GSTCD: variants seen among roughly 807,000 people sequenced by gnomAD.
GSTCD encodes glutathione S-transferase C-terminal domain containing.
GSTCD carries 44 observed loss-of-function variants against 68.3 expected under a neutral mutation model. The ratio of observed to expected loss-of-function variants is 0.64; its 90% CI spans 0.51 to 0.83. GSTCD has a LOEUF of 0.83. Among genes scored for constraint, GSTCD ranks in the 40% least tolerant of loss-of-function variants. GSTCD has a pLI of 0.00. For synonymous variants in GSTCD, 273 were observed against 255.2 expected (o/e 1.07, Z -0.67); for missense variants, 739 against 735.9 (o/e 1.00, Z -0.05).
chr4:105,841,561 A>C lies in GSTCD; in HGVS notation c.1696-504A>C, dbSNP rs193052431. Among the ~76,000 whole-genome samples, 396 of 152,242 alleles carry C rather than the reference A, an allele frequency of 2.6e-3. 2 individuals are homozygous for C. Among genetic ancestry groups the C allele is most frequent in the Admixed American group, 0.024 (365 of 15,284 alleles). ...AGAGCTACATCTGGGCCAGCTGGGC[A>C]TGGTGGCTCATACCTGTTAATCACA... is the stretch of plus-strand genomic sequence containing the variant. On this transcript the variant is annotated intron_variant, in intron 10 of 11. Transcript: ENST00000515279.
intron 8 of GSTCD, among the ~76,000 whole-genome samples, 158 bp from the exon 9 acceptor site, chr4:105,834,303 A>T (rs1364314641): frequency 6.6e-6 from 1 of 152,184 alleles, no homozygotes; most frequent in Non-Finnish European, 1.5e-5. Flanking sequence ...GCAATATTCC[A>T]TTTGCAACCT....
intron 5 of GSTCD, among the ~76,000 whole-genome samples, chr4:105,759,198 A>C (rs557457848): frequency 2.0e-5 from 3 of 152,288 alleles, no homozygotes; most frequent in Non-Finnish European, 1.5e-5. Context: ...ATAGAGCCTG[A>C]GCTCTATGAG....
At chr4:105,750,844 A>G (rs1165716253) in intron 5 of GSTCD, among the ~76,000 whole-genome samples, 1 of 152,210 alleles carries the variant, frequency 6.6e-6, no homozygotes, top group Non-Finnish European at 1.5e-5. Context: ...CAACAAGTTG[A>G]ATAGATCTCA....
intron 5 of GSTCD, among the ~76,000 whole-genome samples, chr4:105,752,235 T>A (rs2149228157): frequency 6.6e-6 from 1 of 152,268 alleles, no homozygotes; most frequent in Middle Eastern, 3.4e-3. Flanking sequence ...AACTGTAGCA[T>A]GTGATTAAAA....
intron 5 of GSTCD, among the ~76,000 whole-genome samples, chr4:105,757,492 G>A (rs1172429697): frequency 6.6e-6 from 1 of 152,094 alleles, no homozygotes; most frequent in African/African-American, 2.4e-5. Flanking sequence ...TTCACATTCT[G>A]GAAATCATTG....
At chr4:105,839,552 T>C (rs1473517012) in intron 10 of GSTCD, among the ~76,000 whole-genome samples, 1 of 152,064 alleles carries the variant, frequency 6.6e-6, no homozygotes, top group Non-Finnish European at 1.5e-5. Context: ...CGAGAATTGA[T>C]TGAGATCAGG....
chr4:105,778,594 A>G (rs1381790380), intron 5 of GSTCD, among the ~76,000 whole-genome samples: 3 of 152,128 alleles, frequency 2.0e-5, no homozygotes, highest in Non-Finnish European at 2.9e-5. Flanking sequence ...TAAATTTGAG[A>G]GAAATCTATA....
chr4:105,720,063 T>C (rs942550002), intron 3 of GSTCD, among the ~76,000 whole-genome samples: 3 of 152,248 alleles, frequency 2.0e-5, no homozygotes, highest in African/African-American at 7.2e-5. Flanking sequence ...TGTGTGCTTT[T>C]CTCTGTTCTC....
chr4:105,728,270 A>G (rs1368505582), intron 4 of GSTCD, among the ~76,000 whole-genome samples: 4 of 152,202 alleles, frequency 2.6e-5, no homozygotes, highest in Non-Finnish European at 5.9e-5. Context: ...GGATACTTTA[A>G]AAGGATAAAT....
In GSTCD at chr4:105,780,949, C is replaced by A. The variant is rs553803156; in HGVS notation, c.1241-42005C>A. On this transcript the variant is annotated intron_variant, in intron 5 of 11. Transcript: ENST00000515279. ...AGTAGAGAGACATATAAGCAAAACT[C>A]AAGTTTTCAAGCAGGCCTGAATTTA... Among the ~76,000 whole-genome samples, 9 of 152,208 alleles carry A rather than the reference C, an allele frequency of 5.9e-5. No homozygotes were observed. In the South Asian group the frequency reaches 1.9e-3, roughly 32 times the overall value.
intron 8 of GSTCD, among the ~76,000 whole-genome samples, chr4:105,833,572 G>T (rs1723987668): frequency 6.6e-6 from 1 of 152,112 alleles, no homozygotes; most frequent in South Asian, 2.1e-4. Flanking sequence ...TACAATTTAT[G>T]TTTGTTCAGA....
chr4:105,753,867 A>G (rs1248585790), intron 5 of GSTCD, among the ~76,000 whole-genome samples: 1 of 152,066 alleles, frequency 6.6e-6, no homozygotes, highest in African/African-American at 2.4e-5. Context: ...TGAATAATTT[A>G]TCTCTTGGAT....
intron 4 of GSTCD, among the ~76,000 whole-genome samples, chr4:105,727,248 G>T (rs968173454): frequency 6.6e-6 from 1 of 151,996 alleles, no homozygotes; most frequent in Non-Finnish European, 1.5e-5. Flanking sequence ...ATAAGGCTGG[G>T]TGTAGTAGCT....
At chr4:105,772,658 T>C (rs983978123) in intron 5 of GSTCD, among the ~76,000 whole-genome samples, 2 of 152,220 alleles carry the variant, frequency 1.3e-5, no homozygotes, top group Non-Finnish European at 1.5e-5. Context: ...ATGGATTACA[T>C]TTATTGATTT....
chr4:105,739,082 A>G (rs1262716665), intron 5 of GSTCD, among the ~76,000 whole-genome samples: 2 of 152,326 alleles, frequency 1.3e-5, no homozygotes, highest in East Asian at 1.9e-4. Context: ...TTGTGTATCT[A>G]TTGAGATAAT....
At chr4:105,745,166 A>G (rs747385243) in intron 5 of GSTCD, among the ~76,000 whole-genome samples, 1 of 152,178 alleles carries the variant, frequency 6.6e-6, no homozygotes, top group African/African-American at 2.4e-5. Context: ...GTCTCTCAAT[A>G]TATGGATAGT....
intron 9 of GSTCD, among the ~76,000 whole-genome samples, chr4:105,836,484 G>A (rs998613077): frequency 3.9e-5 from 6 of 152,186 alleles, no homozygotes; most frequent in Admixed American, 2.0e-4. Flanking sequence ...TCTGCCTCCT[G>A]TTGCCATCAA....
chr4:105,796,218 C>T (rs1409228124), intron 5 of GSTCD, among the ~76,000 whole-genome samples: 4 of 152,138 alleles, frequency 2.6e-5, no homozygotes, highest in Non-Finnish European at 5.9e-5. Context: ...AGAGAGCGAG[C>T]TTGTGCAGGG....
At chr4:105,769,781 G>A (rs1303270246) in intron 5 of GSTCD, among the ~76,000 whole-genome samples, 1 of 151,844 alleles carries the variant, frequency 6.6e-6, no homozygotes, top group African/African-American at 2.4e-5. Context: ...TTTGAGACAA[G>A]GCCTCACTCT....
Sources: allele counts gnomAD v4.1 joint callset (sites outside exome capture counted in the v4.1 genomes callset), GRCh38; gene constraint gnomAD v4.1.1; transcripts MANE v1.5; gene names NCBI Gene and HGNC (gene_info 2026-07-23, HGNC 2026-07-21).